The following CWF19L2 variants were observed in gnomAD, a reference collection of about 807,000 sequenced individuals.
The protein encoded by CWF19L2 is CWF19 like cell cycle control factor 2, also known as CWF19-like protein 2.
Under a neutral mutation model 111.7 loss-of-function variants are expected in CWF19L2, and 98 were observed. The ratio of observed to expected loss-of-function variants is 0.88; its 90% confidence interval spans 0.75 to 1.04. CWF19L2 has a LOEUF of 1.04. Among genes scored for constraint, CWF19L2 ranks in the 50% least tolerant of loss-of-function variants. The probability of loss-of-function intolerance (pLI) is 0.00; values close to 1 mark genes in which losing one functional copy is unlikely to be tolerated. For missense variants in CWF19L2, 1,101 were observed against 1,051.4 expected (o/e 1.05, Z -0.65); for synonymous variants, 351 against 342.9 (o/e 1.02, Z -0.26).
intron 3 of CWF19L2, among the ~76,000 whole-genome samples, chr11:107,444,585 C>G (rs654272): frequency 0.27 from 40,696 of 152,088 alleles, 5,796 homozygotes; most frequent in African/African-American, 0.34. Context: ...CCATTCTGAT[C>G]GCCTGAACTA....
At chr11:107,361,085 T>C (rs1223001801) in intron 12 of CWF19L2, among the ~76,000 whole-genome samples, 5 of 152,220 alleles carry the variant, frequency 3.3e-5, no homozygotes, top group African/African-American at 1.2e-4. Flanking sequence ...TGGTTTCAAG[T>C]TCTCCATGTA....
chr11:107,346,534 A>G (rs1293632019), intron 14 of CWF19L2, among the ~76,000 whole-genome samples: 1 of 152,218 alleles, frequency 6.6e-6, no homozygotes, highest in Admixed American at 6.5e-5. Flanking sequence ...GAACCTTCAA[A>G]AGGCTCAGGA....
intron 12 of CWF19L2, among the ~76,000 whole-genome samples, chr11:107,378,202 A>G (rs976009429): frequency 4.0e-5 from 6 of 149,920 alleles, no homozygotes; most frequent in African/African-American, 1.5e-4. Context: ...TGTGGAAGTC[A>G]GTGTGGCGAT....
intron 12 of CWF19L2, among the ~76,000 whole-genome samples, chr11:107,362,211 G>C (rs1431598941): frequency 6.7e-6 from 1 of 149,458 alleles, no homozygotes; most frequent in Non-Finnish European, 1.5e-5. Context: ...CACAGCAGCT[G>C]AGATCAAACT....
chr11:107,454,394 C>T (rs755898833), intron 3 of CWF19L2, 56 bp downstream of exon 3: 27 of 1,231,032 alleles, frequency 2.2e-5, no homozygotes, highest in Non-Finnish European at 2.8e-5. Flanking sequence ...ATAAGTTACA[C>T]ATTCAAATAA....
At chr11:107,341,832 G>A (rs1201968992) in intron 14 of CWF19L2, among the ~76,000 whole-genome samples, 1 of 152,022 alleles carries the variant, frequency 6.6e-6, no homozygotes, top group Non-Finnish European at 1.5e-5. Flanking sequence ...TGCATTTCAA[G>A]GAACTGGTCC....
intron 12 of CWF19L2, among the ~76,000 whole-genome samples, chr11:107,372,422 A>G (rs1860524152): frequency 7.3e-6 from 1 of 136,454 alleles, no homozygotes; most frequent in South Asian, 2.5e-4. Flanking sequence ...CAGAAAGCAC[A>G]TTAATTTGAG....
intron 12 of CWF19L2, among the ~76,000 whole-genome samples, chr11:107,379,379 A>G (rs1451075961): frequency 6.6e-6 from 1 of 152,222 alleles, no homozygotes; most frequent in Non-Finnish European, 1.5e-5. Flanking sequence ...CAGGGATGCT[A>G]CTAAATCTTC....
intron 2 of CWF19L2, 76 bp from the exon 3 acceptor site, chr11:107,454,648 AAAT>A: frequency 1.9e-6 from 2 of 1,066,924 alleles, no homozygotes; most frequent in Non-Finnish European, 2.4e-6. Flanking sequence ...GAGAGAAAAA[AAAT>A]AAACCACATT....
At chr11:107,330,090 T>C (rs998985493) in intron 16 of CWF19L2, 71 bp from the exon 17 acceptor site, 34 of 822,534 alleles carry the variant, frequency 4.1e-5, no homozygotes, top group African/African-American at 7.0e-5. Flanking sequence ...CCCTCCCCTC[T>C]TCTCTGGAAG....
chr11:107,348,153 T>C (rs1046993457), intron 14 of CWF19L2, among the ~76,000 whole-genome samples: 1 of 152,182 alleles, frequency 6.6e-6, no homozygotes, highest in Non-Finnish European at 1.5e-5. Flanking sequence ...TAAATTTCAT[T>C]AAATGCCATC....
intron 14 of CWF19L2, chr11:107,348,696 A>ATAAT: frequency 4.5e-6 from 1 of 223,486 alleles, no homozygotes; most frequent in Non-Finnish European, 8.8e-6. Context: ...TTAAGTAAAA[A>ATAAT]TAATTATTAC....
chr11:107,404,081 T>C, intron 10 of CWF19L2: 1 of 772,086 alleles, frequency 1.3e-6, no homozygotes, highest in Non-Finnish European at 2.4e-6. Flanking sequence ...AGCTGAATGC[T>C]CATATATGGT....
chr11:107,396,937 G>A (rs186201484), intron 10 of CWF19L2, among the ~76,000 whole-genome samples: 19 of 152,248 alleles, frequency 1.2e-4, no homozygotes, highest in East Asian at 7.7e-4. Flanking sequence ...AGAAGTTTTC[G>A]ACTTTACTTG....
At chr11:107,365,557 G>T (rs1326312508) in intron 12 of CWF19L2, among the ~76,000 whole-genome samples, 1 of 97,766 alleles carries the variant, frequency 1.0e-5, no homozygotes, top group Non-Finnish European at 2.0e-5. Flanking sequence ...CATATAAACA[G>T]AGCCAAAGAC....
At chr11:107,373,352 C>T (rs149101722) in intron 12 of CWF19L2, among the ~76,000 whole-genome samples, 51,175 of 129,844 alleles carry the variant, frequency 0.39, 15,759 homozygotes, top group African/African-American at 0.57. Context: ...CAGTAACCTT[C>T]GCAGACTTAA....
chr11:107,391,084 C>T lies in CWF19L2; in HGVS notation c.1735-873G>A, dbSNP rs905197849. ...CCAGGGATTCTCGGGCCTTCAGCCA[C>T]AGACCGAAGGCTGCACTGTCAGCTT... On this transcript the variant is annotated intron_variant, in intron 11 of 17. Transcript: ENST00000282251. 2.0e-4 allele frequency among the ~76,000 whole-genome samples: 31 copies of T among 152,216 alleles called. 1 individual carries two copies. The highest frequency in any genetic ancestry group is 7.0e-4 in the African/African-American group (29 of 41,458).
chr11:107,418,143 G>T (rs947801480), intron 9 of CWF19L2, 51 bp downstream of exon 9: 1 of 1,116,844 alleles, frequency 9.0e-7, no homozygotes, highest in Admixed American at 1.7e-5. Context: ...TTACTCATAA[G>T]AAGTTAAACA....
At chr11:107,391,281 A>T (rs1249028355) in intron 11 of CWF19L2, among the ~76,000 whole-genome samples, 1 of 152,014 alleles carries the variant, frequency 6.6e-6, no homozygotes, top group Non-Finnish European at 1.5e-5. Flanking sequence ...CTAATACAGT[A>T]CCTCTATTAA....
Sources: allele counts gnomAD v4.1 joint callset (sites outside exome capture counted in the v4.1 genomes callset), GRCh38; gene constraint gnomAD v4.1.1; transcripts MANE v1.5; gene names NCBI Gene and HGNC (gene_info 2026-07-23, HGNC 2026-07-21).